SSBP3: variants seen among roughly 807,000 people sequenced by gnomAD.
SSBP3 encodes the protein single-stranded DNA-binding protein 3.
In SSBP3, 5 loss-of-function variants were observed where a neutral mutation model predicts 69.6. The observed-to-expected ratio is 0.07, with a 90% CI of 0.04 to 0.15. The LOEUF (loss-of-function observed/expected upper bound fraction) is 0.15, where lower values mean the gene tolerates loss of function less well. SSBP3 is among the 10% of genes least tolerant of loss of function. SSBP3 has a pLI of 1.00. For missense variants in SSBP3, 312 were observed against 534.0 expected (o/e 0.58, Z 4.10); for synonymous variants, 196 against 193.4 (o/e 1.01, Z -0.11).
At chr1:54,227,181 AGGGG>A in intron 17 of SSBP3, 21 bp from the exon 18 acceptor site, 73 of 524,674 alleles carry the variant, frequency 1.4e-4, no homozygotes, top group Non-Finnish European at 2.0e-4. Context: ...GAAGCAGAGA[AGGGG>A]GGGGGGTGAG....
At chr1:54,288,862 C>CA (rs543505891) in intron 4 of SSBP3, among the ~76,000 whole-genome samples, 22 of 150,920 alleles carry the variant, frequency 1.5e-4, no homozygotes, top group East Asian at 7.8e-4. Context: ...CTAAAAATAC[C>CA]AAAAAAAATC....
In SSBP3 at chr1:54,289,028, AAAAAAAAACAAAAAAAC is replaced by A. The variant is rs1348653516; in HGVS notation, c.277-7518_277-7502del. 6.6e-4 allele frequency among the ~76,000 whole-genome samples: 49 copies of A among 74,552 alleles called. 2 individuals are homozygous for A. The highest frequency in any genetic ancestry group is 9.2e-4 in the Non-Finnish European group (36 of 39,208). The allele number at this position is 74,552 out of a possible 152,430, so 48.9% of individuals were successfully genotyped here. On this transcript the variant is annotated intron_variant, in intron 4 of 17. Transcript: ENST00000610401. ...GAGCTAGACTCTGTCTCCAAAAAAA[AAAAAAAAACAAAAAAAC>A]AAAAAAAAAAAACAGTAATGTCCCA...
intron 4 of SSBP3, among the ~76,000 whole-genome samples, chr1:54,334,120 G>A (rs1053397017): frequency 6.6e-6 from 1 of 152,022 alleles, no homozygotes; most frequent in African/African-American, 2.4e-5. Flanking sequence ...TTGGGAGGCC[G>A]AGGCGGGCGG....
intron 5 of SSBP3, among the ~76,000 whole-genome samples, chr1:54,276,722 G>A (rs753926215): frequency 2.0e-4 from 31 of 151,610 alleles, no homozygotes; most frequent in Non-Finnish European, 4.3e-4. Flanking sequence ...AACTGTTGTG[G>A]AACACAGATC....
intron 14 of SSBP3, among the ~76,000 whole-genome samples, chr1:54,233,353 C>T (rs1379487767): frequency 1.3e-5 from 2 of 149,204 alleles, no homozygotes; most frequent in East Asian, 2.0e-4. Context: ...CCGGCCGCCC[C>T]GTCTGAGAAG....
intron 4 of SSBP3, among the ~76,000 whole-genome samples, chr1:54,300,060 C>A (rs1207686041): frequency 6.6e-6 from 1 of 152,172 alleles, no homozygotes; most frequent in African/African-American, 2.4e-5. Context: ...GTGACACCAT[C>A]CAATCCTAGC....
chr1:54,282,026 G>A (rs1645402775), intron 4 of SSBP3, among the ~76,000 whole-genome samples: 1 of 140,392 alleles, frequency 7.1e-6, no homozygotes, highest in Non-Finnish European at 1.5e-5. Flanking sequence ...AGCCCAAAAG[G>A]TTCAGCCCTA....
chr1:54,227,184 G>GGA (rs1553120686), intron 17 of SSBP3, 24 bp from the exon 18 acceptor site: 3 of 1,201,896 alleles, frequency 2.5e-6, no homozygotes, highest in Admixed American at 3.6e-5. Context: ...GCAGAGAAGG[G>GGA]GGGGGGGTGA....
At chr1:54,347,916 G>A (rs1272447947) in intron 4 of SSBP3, among the ~76,000 whole-genome samples, 2 of 152,162 alleles carry the variant, frequency 1.3e-5, no homozygotes, top group Non-Finnish European at 2.9e-5. Flanking sequence ...AAGCCACCTA[G>A]TTTGTGGTAC....
intron 4 of SSBP3, among the ~76,000 whole-genome samples, chr1:54,352,238 G>C (rs1471946913): frequency 7.2e-6 from 1 of 139,752 alleles, no homozygotes; most frequent in Admixed American, 8.1e-5. Context: ...TACATAAAAG[G>C]ACCAAAAGCC....
At chr1:54,411,457 G>A (rs968588720) in intron 1 of SSBP3, among the ~76,000 whole-genome samples, 3 of 146,576 alleles carry the variant, frequency 2.0e-5, no homozygotes, top group Non-Finnish European at 3.0e-5. Context: ...CATCATGAGC[G>A]ACAGAACAAT....
chr1:54,389,704 T>A (rs1322563461), intron 4 of SSBP3, among the ~76,000 whole-genome samples: 7 of 150,444 alleles, frequency 4.7e-5, no homozygotes, highest in Admixed American at 2.0e-4. Context: ...CAAAAAAAAA[T>A]AAAAAAATAA....
chr1:54,298,355 C>G (rs918335408), intron 4 of SSBP3, among the ~76,000 whole-genome samples: 1 of 152,140 alleles, frequency 6.6e-6, no homozygotes. Context: ...GACGAGGGGG[C>G]AGCAGGAAGG....
intron 5 of SSBP3, among the ~76,000 whole-genome samples, chr1:54,259,825 G>A (rs931268453): frequency 5.9e-5 from 9 of 152,238 alleles, no homozygotes; most frequent in East Asian, 1.9e-4. Context: ...GGAAAGCTCC[G>A]AGGAGCAGAT....
chr1:54,399,948 A>T (rs1649175833), intron 4 of SSBP3, among the ~76,000 whole-genome samples: 1 of 152,086 alleles, frequency 6.6e-6, no homozygotes, highest in Non-Finnish European at 1.5e-5. Context: ...TACCAGGTGG[A>T]GCCCAATTCA....
chr1:54,310,501 A>T (rs1040520177), intron 4 of SSBP3, among the ~76,000 whole-genome samples: 14 of 152,132 alleles, frequency 9.2e-5, no homozygotes, highest in Non-Finnish European at 1.5e-4. Flanking sequence ...TTTTTAATTG[A>T]GCTACAAAGA....
Position 54,393,640 on chromosome 1 carries a change from T to C in SSBP3, c.276+8221A>G, listed in dbSNP as rs113774405. On this transcript the variant is annotated intron_variant, in intron 4 of 17. Transcript: ENST00000610401. Reference sequence around the variant, plus strand: ...CCACGTCTCTACAAAACATTAAAAATAAAATTAAAAAAGAAAAATGACAGC... The same window carrying C: ...CCACGTCTCTACAAAACATTAAAAACAAAATTAAAAAAGAAAAATGACAGC... Among the ~76,000 whole-genome samples the C allele has an allele frequency of 1.4e-4, 21 of 152,218 alleles. No homozygotes were observed. In the South Asian group the frequency reaches 3.5e-3, roughly 26 times the overall value.
At chr1:54,350,521 G>C (rs537136873) in intron 4 of SSBP3, among the ~76,000 whole-genome samples, 1 of 152,360 alleles carries the variant, frequency 6.6e-6, no homozygotes, top group South Asian at 2.1e-4. Context: ...AGCCAAGAGA[G>C]ATTTATACGC....
intron 4 of SSBP3, among the ~76,000 whole-genome samples, chr1:54,317,128 T>C (rs1646128646): frequency 6.6e-6 from 1 of 152,182 alleles, no homozygotes; most frequent in Non-Finnish European, 1.5e-5. Context: ...ACTGCAGTGT[T>C]ATGTACAATG....
Sources: gnomAD v4.1 joint callset for allele counts (sites outside exome capture counted in the v4.1 genomes callset) on GRCh38, gnomAD v4.1.1 for gene constraint, MANE v1.5 for transcripts, NCBI Gene and HGNC (gene_info 2026-07-23, HGNC 2026-07-21) for gene names.